The following STAB2 variants were observed in gnomAD, a reference collection of about 807,000 sequenced individuals.
STAB2 encodes the protein stabilin 2.
Under a neutral mutation model 338.1 loss-of-function variants are expected in STAB2, and 288 were observed. The ratio of observed to expected loss-of-function variants is 0.85; its 90% confidence interval spans 0.77 to 0.94. The LOEUF (loss-of-function observed/expected upper bound fraction) is 0.94, where lower values mean the gene tolerates loss of function less well. Ranked by LOEUF, STAB2 falls within the 40% of genes least tolerant of loss-of-function variation. The pLI is 0.00. For missense variants in STAB2, 3,141 were observed against 3,210.1 expected, an observed-to-expected ratio of 0.98 and a Z score of 0.52; for synonymous variants, 1,202 against 1,193.3, an observed-to-expected ratio of 1.01 and a Z score of -0.15.
At chr12:103,733,891 GGAGCAAGCACAA>G (rs1291131526) in intron 51 of STAB2, among the ~76,000 whole-genome samples, 15 of 142,708 alleles carry the variant, frequency 1.1e-4, no homozygotes, top group Admixed American at 4.0e-4. Context: ...CGATCATATA[GGAGCAAGCACAA>G]TCACATAGGA....
intron 9 of STAB2, among the ~76,000 whole-genome samples, 165 bp from the exon 10 acceptor site, chr12:103,648,525 C>T (rs1873496702): frequency 6.6e-6 from 1 of 152,088 alleles, no homozygotes; most frequent in African/African-American, 2.4e-5. Flanking sequence ...GCATCCATTT[C>T]TTGAGGAGCT....
chr12:103,626,210 G>C (rs1460815945), intron 5 of STAB2, among the ~76,000 whole-genome samples: 2 of 152,210 alleles, frequency 1.3e-5, no homozygotes, highest in Non-Finnish European at 2.9e-5. Flanking sequence ...AGCCACATAT[G>C]ACTATTGAGC....
At chr12:103,682,274 A>T (rs1876984573) in intron 25 of STAB2, among the ~76,000 whole-genome samples, 1 of 151,904 alleles carries the variant, frequency 6.6e-6, no homozygotes. Context: ...GTCCACATCC[A>T]TCCTCGTTTT....
At chr12:103,710,625 C>T (rs556399615) in intron 39 of STAB2, among the ~76,000 whole-genome samples, 47 of 152,244 alleles carry the variant, frequency 3.1e-4, no homozygotes, top group African/African-American at 1.1e-3. Flanking sequence ...GATTGAAATG[C>T]CAATAGGTAG....
intron 33 of STAB2, among the ~76,000 whole-genome samples, chr12:103,698,503 A>G (rs778906074): frequency 1.3e-5 from 2 of 152,140 alleles, no homozygotes; most frequent in East Asian, 1.9e-4. Context: ...CTGCCCATCC[A>G]GGCTGACATA....
At chr12:103,687,370 C>G (rs1204409584) in intron 27 of STAB2, among the ~76,000 whole-genome samples, 1 of 152,016 alleles carries the variant, frequency 6.6e-6, no homozygotes, top group East Asian at 1.9e-4. Context: ...AATGTCACTG[C>G]TCTGCCAGCA....
intron 44 of STAB2, among the ~76,000 whole-genome samples, chr12:103,718,241 G>A (rs145816190): frequency 2.6e-5 from 4 of 152,094 alleles, no homozygotes; most frequent in African/African-American, 7.2e-5. Flanking sequence ...CACAGCGAGC[G>A]CACTATGAGT....
chr12:103,644,508 A>T (rs1873185915), intron 9 of STAB2, among the ~76,000 whole-genome samples: 3 of 151,096 alleles, frequency 2.0e-5, no homozygotes, highest in East Asian at 3.9e-4. Context: ...CCTCTGTGAG[A>T]AACACCCAAG....
At chr12:103,664,259 T>A (rs1297360514) in intron 18 of STAB2, among the ~76,000 whole-genome samples, 7 of 152,172 alleles carry the variant, frequency 4.6e-5, no homozygotes, top group Non-Finnish European at 8.8e-5. Context: ...TTCTCCTGCC[T>A]CAGCCTCCCG....
In STAB2 at chr12:103,620,572, T is replaced by G; in HGVS notation, c.417+19T>G. 6.4e-7 allele frequency: 1 copy of G among 1,551,746 alleles called. No homozygotes were observed. The highest frequency in any genetic ancestry group is 8.7e-7 in the Non-Finnish European group (1 of 1,146,518). ...CTGCCAAGTAAGTTCAAAAATGTGTTCTTCCTTTCCTGGTTTCTGCTCCCC... is the reference window on the plus strand; with the variant it reads ...CTGCCAAGTAAGTTCAAAAATGTGTGCTTCCTTTCCTGGTTTCTGCTCCCC... On this transcript the variant is annotated intron_variant, in intron 4 of 68. Coordinates refer to ENST00000388887, the MANE Select transcript of STAB2 (RefSeq NM_017564.10).
At chr12:103,612,346 T>C (rs971828380) in intron 3 of STAB2, among the ~76,000 whole-genome samples, 5 of 152,244 alleles carry the variant, frequency 3.3e-5, no homozygotes, top group Admixed American at 6.5e-5. Flanking sequence ...TTTGGTCTTT[T>C]CACATAGTCC....
intron 25 of STAB2, among the ~76,000 whole-genome samples, chr12:103,681,159 GA>G: frequency 6.6e-6 from 1 of 152,330 alleles, no homozygotes. Context: ...TGGGTCTGGA[GA>G]AAATTAGCTT....
chr12:103,719,334 T>C (rs1006521569), intron 44 of STAB2, among the ~76,000 whole-genome samples: 3 of 152,208 alleles, frequency 2.0e-5, no homozygotes, highest in African/African-American at 7.2e-5. Flanking sequence ...TAAGAACTGT[T>C]ATTAACCCCA....
chr12:103,652,651 A>G lies in STAB2; in HGVS notation c.1353A>G (p.Thr451=), dbSNP rs1391915518. 6.2e-7 allele frequency: 1 copy of G among 1,608,366 alleles called. No homozygotes were observed. Among genetic ancestry groups the G allele is most frequent in the Admixed American group, 1.7e-5 (1 of 59,170 alleles). Residue 451 remains threonine (T), a synonymous_variant, in exon 12 of 69, where the codon ACA becomes ACG. Transcript: ENST00000388887. ...GQMNIEYMNN[T]DMFYTLTGKS... ...TGAACATCGAATATATGAATAACAC[A>G]GACATGTTCTACACCTTGACTGGAA...
At chr12:103,626,056 T>G (rs1957376607) in intron 5 of STAB2, among the ~76,000 whole-genome samples, 1 of 152,230 alleles carries the variant, frequency 6.6e-6, no homozygotes, top group African/African-American at 2.4e-5. Context: ...CCATTCTAAC[T>G]GGACAATACC....
At chr12:103,652,118 CT>C (rs1313451442) in intron 11 of STAB2, among the ~76,000 whole-genome samples, 1 of 152,242 alleles carries the variant, frequency 6.6e-6, no homozygotes, top group Non-Finnish European at 1.5e-5. Context: ...AAAATCTTAA[CT>C]TTTCTATTCA....
At chr12:103,652,459 C>T in intron 11 of STAB2, 97 bp from the exon 12 acceptor site, 1 of 1,210,274 alleles carries the variant, frequency 8.3e-7, no homozygotes, top group Non-Finnish European at 1.1e-6. Context: ...TTAGGGTGCC[C>T]TGGCTTTGAT....
rs769045671 is a variant in STAB2, at chr12:103,670,774, G to A, written c.2338G>A (p.Asp780Asn). ...AGGCTCCCAGTGTCAGTTCTGCTCT[G>A]ATCCCAATAAATACGGACCTCGGTG... is the stretch of plus-strand genomic sequence containing the variant. ...FQGSQCQFCS[D>N]PNKYGPRCNK... The change falls in exon 22 of 69, where the codon GAT becomes AAT. Residue 780 changes from aspartate to asparagine, a missense_variant. Transcript: ENST00000388887. The A allele has an allele frequency of 4.3e-6, 7 of 1,614,144 alleles. No individual in the cohort carries two copies. The East Asian group carries it at 1.6e-4, about 36-fold the overall frequency.
In STAB2 at chr12:103,706,968, C is replaced by T. The variant is rs760232938; in HGVS notation, c.4173C>T (p.Tyr1391=). The T allele has an allele frequency of 8.7e-6, 14 of 1,614,142 alleles. No individual in the cohort carries two copies. Among genetic ancestry groups the T allele is most frequent in the Non-Finnish European group, 1.0e-5 (12 of 1,180,012 alleles). Residue 1391 remains tyrosine (Y), a synonymous_variant, in exon 38 of 69, where the codon TAC becomes TAT. Coordinates refer to ENST00000388887, the MANE Select transcript of STAB2 (RefSeq NM_017564.10). ...TACETCTEGK[Y]GIHCDQACSC... ...GCGAGACCTGCACCGAGGGCAAGTA[C>T]GGCATCCACTGTGACCAAGGTGAGC...
Sources: gnomAD v4.1 joint callset for allele counts (sites outside exome capture counted in the v4.1 genomes callset) on GRCh38, gnomAD v4.1.1 for gene constraint, MANE v1.5 for transcripts, NCBI Gene and HGNC (gene_info 2026-07-23, HGNC 2026-07-21) for gene names.